SH3GL2: variants seen among roughly 807,000 people sequenced by gnomAD.
SH3GL2 encodes endophilin-A1.
Under a neutral mutation model 46.0 loss-of-function variants are expected in SH3GL2, and 24 were observed. The observed-to-expected ratio is 0.52, with a 90% confidence interval of 0.38 to 0.73. SH3GL2 has a LOEUF of 0.73. Among genes scored for constraint, SH3GL2 ranks in the 30% least tolerant of loss-of-function variants. SH3GL2 has a pLI of 0.00. For synonymous variants in SH3GL2, 196 were observed against 147.1 expected, an observed-to-expected ratio of 1.33 and a Z score of -2.40; for missense variants, 413 against 424.2, an observed-to-expected ratio of 0.97 and a Z score of 0.23.
Position 17,669,640 on chromosome 9 carries a change from T to C in SH3GL2, c.46-77426T>C, listed in dbSNP as rs145980921. ...GTAGTGTATGGTATGGATGGACCAG[T>C]TTGTATAATTGTTTAGTTTTTGAAG... On this transcript the variant is annotated intron_variant, in intron 1 of 8. Coordinates refer to ENST00000380607, the MANE Select transcript of SH3GL2 (RefSeq NM_003026.5). Among the ~76,000 whole-genome samples the C allele has an allele frequency of 2.0e-3, 308 of 152,234 alleles. 1 individual carries two copies. Among genetic ancestry groups the C allele is most frequent in the African/African-American group, 7.1e-3 (295 of 41,534 alleles).
chr9:17,642,079 T>C (rs979529442), intron 1 of SH3GL2, among the ~76,000 whole-genome samples: 1 of 152,168 alleles, frequency 6.6e-6, no homozygotes, highest in African/African-American at 2.4e-5. Context: ...CATTCCTGTT[T>C]CTCCACATCC....
At chr9:17,779,974 G>T (rs1388048887) in intron 3 of SH3GL2, among the ~76,000 whole-genome samples, 1 of 152,120 alleles carries the variant, frequency 6.6e-6, no homozygotes, top group East Asian at 1.9e-4. Flanking sequence ...GAACACAGTG[G>T]TTCTCAACCT....
At chr9:17,664,213 G>T (rs953977052) in intron 1 of SH3GL2, among the ~76,000 whole-genome samples, 1 of 152,092 alleles carries the variant, frequency 6.6e-6, no homozygotes, top group Non-Finnish European at 1.5e-5. Context: ...CATGGAAATT[G>T]TTTTTCTAAT....
intron 1 of SH3GL2, among the ~76,000 whole-genome samples, chr9:17,717,139 A>G (rs895917734): frequency 6.6e-6 from 1 of 152,112 alleles, no homozygotes; most frequent in Non-Finnish European, 1.5e-5. Context: ...TCTACCAATT[A>G]CCAGCTGTCT....
At chr9:17,597,899 G>A (rs1336877333) in intron 1 of SH3GL2, among the ~76,000 whole-genome samples, 2 of 152,144 alleles carry the variant, frequency 1.3e-5, no homozygotes, top group Non-Finnish European at 2.9e-5. Flanking sequence ...CAAACAGTAA[G>A]CATTCGCCCA....
rs376280314 is a variant in SH3GL2 at position 17,738,641 on chromosome 9, T to TATATATAGAGAGAGAGAGAG, written c.46-8424_46-8423insTATATAGAGAGAGAGAGAGA. On this transcript the variant is annotated intron_variant, in intron 1 of 8. Coordinates refer to ENST00000380607, the MANE Select transcript of SH3GL2 (RefSeq NM_003026.5). The stretch of plus-strand genomic sequence containing the variant: ...TCATGTGATTTTATATATATATATA[T>TATATATAGAGAGAGAGAGAG]AGAGAGAGAGAGAGAGAGAGAGAGA... Among the ~76,000 whole-genome samples the TATATATAGAGAGAGAGAGAG allele has an allele frequency of 9.0e-5, 8 of 88,876 alleles. No homozygotes were observed. In the South Asian group the frequency reaches 1.5e-3, roughly 16 times the overall value. 58.3% of individuals were successfully genotyped at this position (88,876 alleles called of 152,430 possible). A position where few individuals can be genotyped will look rare whatever the true frequency, so the allele number is the denominator to read the frequency against.
chr9:17,624,573 G>C (rs982105437), intron 1 of SH3GL2, among the ~76,000 whole-genome samples: 8 of 152,014 alleles, frequency 5.3e-5, no homozygotes, highest in Admixed American at 5.2e-4. Context: ...TTTTCCGTTG[G>C]TTCATAATTT....
chr9:17,711,517 C>G lies in SH3GL2; in HGVS notation c.46-35549C>G, dbSNP rs577898462. ...CGACCAATGTTATTCTTTCTCTTACCATAGATTAGTTTGAGTTTTCTAGAG... is the reference window on the plus strand; with the variant it reads ...CGACCAATGTTATTCTTTCTCTTACGATAGATTAGTTTGAGTTTTCTAGAG... On this transcript the variant is annotated intron_variant, in intron 1 of 8. Coordinates refer to ENST00000380607, the MANE Select transcript of SH3GL2 (RefSeq NM_003026.5). 2.6e-5 allele frequency among the ~76,000 whole-genome samples: 4 copies of G among 151,872 alleles called. No individual in the cohort carries two copies. In the South Asian group the frequency reaches 8.3e-4, roughly 32 times the overall value.
intron 3 of SH3GL2, among the ~76,000 whole-genome samples, chr9:17,762,202 G>T (rs1382090802): frequency 1.3e-5 from 2 of 152,070 alleles, no homozygotes; most frequent in South Asian, 2.1e-4. Flanking sequence ...CTAACCACAG[G>T]GCACGGAAAC....
At chr9:17,664,118 T>G (rs1820288211) in intron 1 of SH3GL2, among the ~76,000 whole-genome samples, 1 of 152,228 alleles carries the variant, frequency 6.6e-6, no homozygotes, top group Non-Finnish European at 1.5e-5. Context: ...TAGCATTAAT[T>G]CAGTACGCCT....
rs1823405921 is a variant in SH3GL2 at position 17,769,339 on chromosome 9, C to T, written c.187+7830C>T. Among the ~76,000 whole-genome samples the T allele has an allele frequency of 4.6e-5, 7 of 150,652 alleles. No homozygotes were observed. The South Asian group carries it at 1.5e-3, about 31-fold the overall frequency. On this transcript the variant is annotated intron_variant, in intron 3 of 8. Coordinates refer to ENST00000380607, the MANE Select transcript of SH3GL2 (RefSeq NM_003026.5). Reference sequence around the variant, plus strand: ...TTTATTGCACTTTTCATAATATTTACTTTATGCAACTTATGATTTGTTCAC... The same window carrying T: ...TTTATTGCACTTTTCATAATATTTATTTTATGCAACTTATGATTTGTTCAC...
chr9:17,615,730 G>GT (rs941158888), intron 1 of SH3GL2, among the ~76,000 whole-genome samples: 43 of 140,690 alleles, frequency 3.1e-4, no homozygotes, highest in African/African-American at 1.0e-3. Flanking sequence ...TAGGACGAAA[G>GT]TTAAAAAAAA....
chr9:17,786,629 T>A, intron 4 of SH3GL2, 105 bp downstream of exon 4: 1 of 1,293,508 alleles, frequency 7.7e-7, no homozygotes. Context: ...TATATTTTGG[T>A]TTTCAGTTTT....
At position 17,778,553 on chromosome 9, in the gene SH3GL2, A is replaced by G. The variant is rs188682192; in HGVS notation, c.188-7828A>G. On this transcript the variant is annotated intron_variant, in intron 3 of 8. Transcript: ENST00000380607. ...GTTGGGACTTTGATTCCTACCCTGA[A>G]TGACGTGGGAACACATTAAAGTGCT... 6.6e-5 allele frequency among the ~76,000 whole-genome samples: 10 copies of G among 152,216 alleles called. No homozygotes were observed. In the East Asian group the frequency reaches 1.9e-3, roughly 29 times the overall value.
chr9:17,689,128 G>A (rs2118112945), intron 1 of SH3GL2, among the ~76,000 whole-genome samples: 1 of 152,054 alleles, frequency 6.6e-6, no homozygotes, highest in African/African-American at 2.4e-5. Flanking sequence ...TCACCTCTGT[G>A]GTCTTCCTCC....
intron 1 of SH3GL2, among the ~76,000 whole-genome samples, chr9:17,674,743 G>C (rs1820566518): frequency 1.3e-5 from 2 of 152,166 alleles, no homozygotes; most frequent in Non-Finnish European, 2.9e-5. Flanking sequence ...CTGGCAATTT[G>C]TTGCTGGCTG....
chr9:17,685,172 T>C (rs1184954747), intron 1 of SH3GL2, among the ~76,000 whole-genome samples: 1 of 151,998 alleles, frequency 6.6e-6, no homozygotes, highest in Non-Finnish European at 1.5e-5. Flanking sequence ...TATGAGTGGA[T>C]GGAATCAAGA....
chr9:17,713,790 T>C (rs1821685950), intron 1 of SH3GL2, among the ~76,000 whole-genome samples: 1 of 151,724 alleles, frequency 6.6e-6, no homozygotes, highest in African/African-American at 2.4e-5. Flanking sequence ...AATTATTTTA[T>C]GGTCAAGAAT....
chr9:17,612,132 C>G (rs1220584028), intron 1 of SH3GL2, among the ~76,000 whole-genome samples: 1 of 152,072 alleles, frequency 6.6e-6, no homozygotes, highest in Non-Finnish European at 1.5e-5. Context: ...GGGGGAAAGT[C>G]CGGCTCTTCA....
Sources: gnomAD v4.1 joint callset for allele counts (sites outside exome capture counted in the v4.1 genomes callset) on GRCh38, gnomAD v4.1.1 for gene constraint, MANE v1.5 for transcripts, NCBI Gene and HGNC (gene_info 2026-07-23, HGNC 2026-07-21) for gene names.